The following DIXDC1 variants were observed in gnomAD, a reference collection of about 807,000 sequenced individuals.
The protein encoded by DIXDC1 is dixin.
Under a neutral mutation model 103.1 loss-of-function variants are expected in DIXDC1, and 64 were observed. The observed-to-expected ratio is 0.62, with a 90% CI of 0.51 to 0.76. The LOEUF is 0.76. Among genes scored for constraint, DIXDC1 ranks in the 30% least tolerant of loss-of-function variants. The pLI, the probability that DIXDC1 is intolerant of heterozygous loss-of-function variation, is 0.00. For synonymous variants in DIXDC1, 266 were observed against 298.5 expected (o/e 0.89, Z 1.12); for missense variants, 759 against 834.2 (o/e 0.91, Z 1.11).
chr11:111,990,492 T>C (rs1860671131), intron 10 of DIXDC1, among the ~76,000 whole-genome samples: 3 of 152,216 alleles, frequency 2.0e-5, no homozygotes, highest in African/African-American at 7.2e-5. Flanking sequence ...ACTTGACACC[T>C]TGCTTTTTTT....
chr11:111,987,660 A>ATTT lies in DIXDC1; in HGVS notation c.1062+751_1062+753dup, dbSNP rs11397376. Among the ~76,000 whole-genome samples, 143 of 139,234 alleles carry ATTT rather than the reference A, an allele frequency of 1.0e-3. 2 individuals carry two copies. The highest frequency in any genetic ancestry group is 3.4e-3 in the African/African-American group (129 of 37,404). The allele number at this position is 139,234 out of a possible 152,430, so 91.3% of individuals were successfully genotyped here. A position where few individuals can be genotyped will look rare whatever the true frequency, so the allele number is the denominator to read the frequency against. On this transcript the variant is annotated intron_variant, in intron 9 of 19. Coordinates refer to ENST00000440460, the MANE Select transcript of DIXDC1 (RefSeq NM_001037954.4). ...TTTGCACTCATACTCATAGACATGA[A>ATTT]TTTTTTTTTTTTTTTTTGAGACAGA...
At chr11:111,996,031 A>T in intron 16 of DIXDC1, 49 bp from the exon 17 acceptor site, 1 of 1,570,668 alleles carries the variant, frequency 6.4e-7, no homozygotes, top group Non-Finnish European at 8.7e-7. Context: ...TTTCTTGGTT[A>T]AGTTCTCTCA....
chr11:111,929,746 C>G, intron 1 of DIXDC1: 1 of 968,544 alleles, frequency 1.0e-6, no homozygotes, highest in Non-Finnish European at 1.5e-6. Flanking sequence ...GGCCCCAACT[C>G]GGTTAGTTGA....
chr11:111,932,868 A>G (rs587714888), upstream of DIXDC1, among the ~76,000 whole-genome samples: 3,783 of 152,186 alleles, frequency 0.025, 163 homozygotes, highest in African/African-American at 0.086. Flanking sequence ...GTGTATATTT[A>G]TGTGTAACTG....
At chr11:111,943,834 G>A (rs1411332100) in intron 1 of DIXDC1, among the ~76,000 whole-genome samples, 2 of 152,096 alleles carry the variant, frequency 1.3e-5, no homozygotes, top group Non-Finnish European at 2.9e-5. Flanking sequence ...ATATTCAGAC[G>A]GTGGTTGACC....
intron 17 of DIXDC1, among the ~76,000 whole-genome samples, chr11:112,008,357 T>C (rs1466169389): frequency 6.6e-6 from 1 of 151,966 alleles, no homozygotes; most frequent in African/African-American, 2.4e-5. Flanking sequence ...TCCCACACAA[T>C]AATAATGGGA....
Position 111,995,522 on chromosome 11 carries a change from G to A in DIXDC1, c.1647G>A (p.Glu549=), listed in dbSNP as rs1555175271. The A allele has an allele frequency of 8.7e-6, 14 of 1,613,888 alleles. No individual in the cohort carries two copies. Among genetic ancestry groups the A allele is most frequent in the South Asian group, 7.7e-5 (7 of 91,086 alleles). ...SLEQGISSLM[E]RLHVMETQKK... is the part of the protein sequence containing the mutation. ...AGCAGGGCATTTCTAGCCTCATGGA[G>A]CGCCTGCATGTTATGGAGACGCAGA... Residue 549 remains glutamate, a synonymous_variant, in exon 16 of 20, where the codon GAG becomes GAA. Coordinates refer to ENST00000440460, the MANE Select transcript of DIXDC1 (RefSeq NM_001037954.4).
intron 10 of DIXDC1, among the ~76,000 whole-genome samples, chr11:111,990,495 C>CT (rs1362458811): frequency 2.0e-5 from 3 of 152,108 alleles, no homozygotes; most frequent in African/African-American, 7.2e-5. Context: ...TGACACCTTG[C>CT]TTTTTTTCAC....
chr11:111,974,801 GTC>G (rs1860045016), intron 4 of DIXDC1, 73 bp from the exon 5 acceptor site: 1 of 1,565,080 alleles, frequency 6.4e-7, no homozygotes, highest in African/African-American at 1.4e-5. Flanking sequence ...CAGAGTGGCA[GTC>G]TCTCTGTACT....
intron 3 of DIXDC1, among the ~76,000 whole-genome samples, chr11:111,973,353 C>T (rs1320340047): frequency 4.1e-5 from 6 of 147,758 alleles, no homozygotes; most frequent in African/African-American, 1.3e-4. Flanking sequence ...GCCTAGACAA[C>T]AAGAGTGAAA....
rs2137655301 is a variant in DIXDC1 at position 112,019,801 on chromosome 11, G to T, written c.*765G>T. 6.6e-6 allele frequency: 1 copy of T among 152,286 alleles called. No individual in the cohort carries two copies. The highest frequency in any genetic ancestry group is 1.9e-4 in the East Asian group (1 of 5,186). The allele number at this position is 152,286 out of a possible 1,614,324, so 9.4% of individuals were successfully genotyped here. A position where few individuals can be genotyped will look rare whatever the true frequency, so the allele number is the denominator to read the frequency against. ...GCCATTTCTTTTTCTTCAAACTGAT[G>T]AACTTTTGTTTGAAAGGCATAAGGA... On this transcript the variant is annotated 3_prime_UTR_variant, in exon 20 of 20. Coordinates refer to ENST00000440460, the MANE Select transcript of DIXDC1 (RefSeq NM_001037954.4).
intron 8 of DIXDC1, 34 bp from the exon 9 acceptor site, chr11:111,986,837 G>A: frequency 6.5e-7 from 1 of 1,549,830 alleles, no homozygotes; most frequent in Non-Finnish European, 8.7e-7. Flanking sequence ...TCACAGCATA[G>A]GTGCTTAGCC....
At chr11:111,930,259 G>A (rs782794626) in intron 2 of DIXDC1, among the ~76,000 whole-genome samples, 4 of 151,934 alleles carry the variant, frequency 2.6e-5, no homozygotes, top group East Asian at 1.9e-4. Context: ...AATGCAAACC[G>A]TAATTCTCCC....
At chr11:111,992,386 A>G (rs1228943258) in intron 10 of DIXDC1, 29 bp from the exon 11 acceptor site, 1 of 1,535,926 alleles carries the variant, frequency 6.5e-7, no homozygotes. Flanking sequence ...GAACTGAGAC[A>G]ACAATAATTA....
At chr11:111,969,769 T>C (rs1225446824) in intron 3 of DIXDC1, among the ~76,000 whole-genome samples, 4 of 152,202 alleles carry the variant, frequency 2.6e-5, no homozygotes, top group Non-Finnish European at 5.9e-5. Context: ...TTAGATCATT[T>C]AGATGAGGCC....
At chr11:111,946,800 A>G (rs1966613564) in intron 1 of DIXDC1, 8 of 478,066 alleles carry the variant, frequency 1.7e-5, no homozygotes, top group South Asian at 1.2e-4. Flanking sequence ...TATGAAGGTA[A>G]ACAGTTCTGT....
rs1339007543 is a variant in DIXDC1, at chr11:112,020,774, AC to A, written c.*1739del. ...GGCAGAGAGAAGGAGCTCAAAAGAT[AC>A]TTGATGTCTTTCATGTAAGTTTACC... On this transcript the variant is annotated 3_prime_UTR_variant, in exon 20 of 20. Coordinates refer to ENST00000440460, the MANE Select transcript of DIXDC1 (RefSeq NM_001037954.4). 1.3e-5 allele frequency: 2 copies of A among 152,262 alleles called. No homozygotes were observed. Among genetic ancestry groups the A allele is most frequent in the Admixed American group, 6.5e-5 (1 of 15,288 alleles). 9.4% of individuals were successfully genotyped at this position (152,262 alleles called of 1,614,324 possible).
At chr11:112,008,131 C>CAAAAAAAAAAAAAA (rs782037838) in intron 17 of DIXDC1, among the ~76,000 whole-genome samples, 1 of 52,272 alleles carries the variant, frequency 1.9e-5, no homozygotes. Flanking sequence ...AAATGCAAAG[C>CAAAAAAAAAAAAAA]AAAAAAAAAA....
At chr11:111,950,645 A>G (rs1555169892) in intron 1 of DIXDC1, among the ~76,000 whole-genome samples, 1 of 150,918 alleles carries the variant, frequency 6.6e-6, no homozygotes, top group Non-Finnish European at 1.5e-5. Context: ...TAGTAGAGAC[A>G]GGGTTTCACC....
Sources: allele counts gnomAD v4.1 joint callset (sites outside exome capture counted in the v4.1 genomes callset), GRCh38; gene constraint gnomAD v4.1.1; transcripts MANE v1.5; gene names NCBI Gene and HGNC (gene_info 2026-07-23, HGNC 2026-07-21).